The following LSM14A variants were observed in gnomAD, a reference collection of about 807,000 sequenced individuals.
LSM14A encodes the protein protein LSM14 homolog A.
Under a neutral mutation model 52.4 loss-of-function variants are expected in LSM14A, and 14 were observed. The observed-to-expected ratio is 0.27, with a 90% CI of 0.18 to 0.42. The LOEUF (loss-of-function observed/expected upper bound fraction) is 0.42. Among genes scored for constraint, LSM14A ranks in the 10% least tolerant of loss-of-function variants. The pLI, the probability that LSM14A is intolerant of heterozygous loss-of-function variation, is 1.00. For synonymous variants in LSM14A, 185 were observed against 200.3 expected (o/e 0.92, Z 0.64); for missense variants, 417 against 581.8 (o/e 0.72, Z 2.91).
chr19:34,210,364 G>T (rs1011747867), intron 4 of LSM14A, among the ~76,000 whole-genome samples: 39 of 151,682 alleles, frequency 2.6e-4, no homozygotes, highest in African/African-American at 9.4e-4. Flanking sequence ...CCACCTCCCA[G>T]GTTCAAGCGA....
chr19:34,195,680 A>C (rs1235345759), intron 2 of LSM14A, among the ~76,000 whole-genome samples: 1 of 152,120 alleles, frequency 6.6e-6, no homozygotes, highest in South Asian at 2.1e-4. Context: ...GGAAATGTGA[A>C]TCTCTTTAAA....
At chr19:34,192,030 C>T (rs567077372) in intron 1 of LSM14A, among the ~76,000 whole-genome samples, 1 of 152,120 alleles carries the variant, frequency 6.6e-6, no homozygotes, top group African/African-American at 2.4e-5. Context: ...CAGGAGAGGG[C>T]AGAGGATACT....
rs765301000 is a variant in LSM14A at position 34,172,664 on chromosome 19, A to C, written c.22A>C (p.Ile8Leu). ...CGCCATGAGCGGGGGCACCCCTTAC[A>C]TCGGCAGCAAGATCAGCCTCATCTC... MSGGTPYIGSKISLISKA... is the reference protein window; with the variant it reads MSGGTPYLGSKISLISKA... Residue 8 changes from isoleucine to leucine, a missense_variant, in exon 1 of 10, where the codon ATC (isoleucine) becomes CTC (leucine). Transcript: ENST00000544216. 1 of 1,575,670 alleles carries C rather than the reference A, an allele frequency of 6.3e-7. No individual in the cohort carries two copies. The highest frequency in any genetic ancestry group is 8.6e-7 in the Non-Finnish European group (1 of 1,162,830).
intron 8 of LSM14A, among the ~76,000 whole-genome samples, chr19:34,220,193 C>T (rs1254815505): frequency 6.6e-6 from 1 of 152,066 alleles, no homozygotes; most frequent in Non-Finnish European, 1.5e-5. Context: ...TAATCGTGAA[C>T]TCCTGGCCTC....
chr19:34,181,549 C>T (rs1332168004), intron 1 of LSM14A, among the ~76,000 whole-genome samples: 1 of 152,166 alleles, frequency 6.6e-6, no homozygotes, highest in African/African-American at 2.4e-5. Flanking sequence ...TACAGTTAGT[C>T]TGTTCTCTGT....
chr19:34,181,308 T>C (rs950021539), intron 1 of LSM14A, among the ~76,000 whole-genome samples: 1 of 152,216 alleles, frequency 6.6e-6, no homozygotes, highest in Non-Finnish European at 1.5e-5. Flanking sequence ...GTACTTGAAC[T>C]GAATTTCCTC....
In LSM14A at chr19:34,219,551, T is replaced by G; in HGVS notation, c.942T>G (p.Phe314Leu). Residue 314 changes from phenylalanine to leucine, a missense_variant, in exon 7 of 10, where the codon TTT (phenylalanine) becomes TTG (leucine). Around this residue, in one of 2 missense-constraint regions of LSM14A, gnomAD observed 357 missense variants for 457.0 expected, o/e 0.78. Transcript: ENST00000544216. Reference protein sequence around the residue: ...QFNKEEIDREFHNKLKLKEDK... With the variant: ...QFNKEEIDRELHNKLKLKEDK... ...ACAAGGAAGAGATTGACAGAGAGTT[T>G]CATAATAAACTTAAATTAAAAGGTA... 6.2e-7 allele frequency: 1 copy of G among 1,611,076 alleles called. No homozygotes were observed. The highest frequency in any genetic ancestry group is 8.5e-7 in the Non-Finnish European group (1 of 1,178,542).
chr19:34,199,840 C>T (rs1254660632), intron 3 of LSM14A, among the ~76,000 whole-genome samples: 1 of 152,168 alleles, frequency 6.6e-6, no homozygotes, highest in Non-Finnish European at 1.5e-5. Context: ...ATTTTCTAAT[C>T]TCAGTATAAT....
chr19:34,183,993 C>G (rs1217520539), intron 1 of LSM14A, among the ~76,000 whole-genome samples: 3 of 151,708 alleles, frequency 2.0e-5, no homozygotes, highest in Admixed American at 6.6e-5. Context: ...TAGTCAGTAG[C>G]TGCCTACGAC....
intron 1 of LSM14A, among the ~76,000 whole-genome samples, chr19:34,174,137 C>CG (rs1461083753): frequency 6.6e-6 from 1 of 152,114 alleles, no homozygotes; most frequent in East Asian, 1.9e-4. Flanking sequence ...TTAGTAGAGA[C>CG]GGGGTTTCAC....
At chr19:34,185,716 A>G (rs900528442) in intron 1 of LSM14A, among the ~76,000 whole-genome samples, 2 of 152,216 alleles carry the variant, frequency 1.3e-5, no homozygotes, top group East Asian at 3.8e-4. Flanking sequence ...TTATTCCAAC[A>G]TATCTCAGAT....
At chr19:34,180,484 T>TA (rs1031189678) in intron 1 of LSM14A, among the ~76,000 whole-genome samples, 47 of 152,164 alleles carry the variant, frequency 3.1e-4, no homozygotes, top group African/African-American at 1.1e-3. Flanking sequence ...TGAGGTGATA[T>TA]AAAAGAAGTA....
intron 3 of LSM14A, among the ~76,000 whole-genome samples, chr19:34,206,464 C>G (rs955942707): frequency 1.3e-5 from 2 of 151,364 alleles, no homozygotes; most frequent in Non-Finnish European, 2.9e-5. Context: ...GTCAGGAGAT[C>G]GAGACCAGCC....
chr19:34,188,819 A>T (rs749304621), intron 1 of LSM14A, among the ~76,000 whole-genome samples: 4 of 151,328 alleles, frequency 2.6e-5, no homozygotes, highest in Non-Finnish European at 5.9e-5. Flanking sequence ...ATTTCATTAC[A>T]TGTATTTTTA....
intron 1 of LSM14A, among the ~76,000 whole-genome samples, chr19:34,175,356 G>A (rs1236657819): frequency 6.6e-6 from 1 of 151,884 alleles, no homozygotes; most frequent in East Asian, 1.9e-4. Context: ...TCAGCCTCCT[G>A]AGTAGCTGGG....
At chr19:34,206,235 A>G (rs982701168) in intron 3 of LSM14A, among the ~76,000 whole-genome samples, 1 of 152,182 alleles carries the variant, frequency 6.6e-6, no homozygotes, top group African/African-American at 2.4e-5. Flanking sequence ...GCTATGCACC[A>G]TGATGCATGC....
At chr19:34,217,628 T>TG (rs2072745974) in intron 6 of LSM14A, among the ~76,000 whole-genome samples, 1 of 115,644 alleles carries the variant, frequency 8.6e-6, no homozygotes, top group Admixed American at 8.9e-5. Flanking sequence ...TGTTTTTTTT[T>TG]TTTTTTTTTT....
chr19:34,173,634 G>A (rs2068872986), intron 1 of LSM14A, among the ~76,000 whole-genome samples: 1 of 152,184 alleles, frequency 6.6e-6, no homozygotes, highest in African/African-American at 2.4e-5. Flanking sequence ...CACACGTGCA[G>A]GGCCTTTGCT....
intron 4 of LSM14A, among the ~76,000 whole-genome samples, chr19:34,211,092 C>T (rs2072109105): frequency 6.6e-6 from 1 of 151,716 alleles, no homozygotes; most frequent in Admixed American, 6.6e-5. Context: ...CGCCTGAGGT[C>T]AGGGGTTCGA....
Sources: gnomAD v4.1 joint callset for allele counts (sites outside exome capture counted in the v4.1 genomes callset) on GRCh38, gnomAD v4.1.1 for gene constraint, gnomAD v4.1.1 regional missense constraint, MANE v1.5 for transcripts, NCBI Gene and HGNC (gene_info 2026-07-23, HGNC 2026-07-21) for gene names.